Variants in DGKD observed in about 807,000 individuals in gnomAD.
The protein encoded by DGKD is diacylglycerol kinase delta.
DGKD carries 68 observed loss-of-function variants against 154.4 expected under a neutral mutation model. The observed-to-expected ratio is 0.44, with a 90% CI of 0.36 to 0.54. The LOEUF (loss-of-function observed/expected upper bound fraction) is 0.54, where lower values mean the gene tolerates loss of function less well. DGKD is among the 20% of genes least tolerant of loss of function. The pLI is 0.00. For synonymous variants in DGKD, 693 were observed against 638.0 expected, an observed-to-expected ratio of 1.09 and a Z score of -1.30; for missense variants, 1,343 against 1,593.6, an observed-to-expected ratio of 0.84 and a Z score of 2.68.
intron 10 of DGKD, among the ~76,000 whole-genome samples, chr2:233,442,926 C>A (rs760790103): frequency 2.0e-5 from 3 of 151,794 alleles, no homozygotes; most frequent in Non-Finnish European, 4.4e-5. Context: ...TAAAAAACCA[C>A]TAATTAAGAT....
At chr2:233,355,701 G>A (rs886395061) in intron 1 of DGKD, among the ~76,000 whole-genome samples, 1 of 152,204 alleles carries the variant, frequency 6.6e-6, no homozygotes, top group Admixed American at 6.5e-5. Flanking sequence ...AATAGGTACC[G>A]AACACCTGCT....
chr2:233,389,177 G>C (rs759529800), intron 2 of DGKD, among the ~76,000 whole-genome samples: 2 of 152,254 alleles, frequency 1.3e-5, no homozygotes, highest in Non-Finnish European at 2.9e-5. Flanking sequence ...AGTAGAAGGA[G>C]CTGAGCTTCT....
rs77663891 is a variant in DGKD at position 233,371,359 on chromosome 2, A to G, written c.156+16685A>G. ...GTATATATTTTTTGAAGAAATACCT[A>G]TTCAGGTCCATTGCCCATTTTCCAA... is the stretch of plus-strand genomic sequence containing the variant. On this transcript the variant is annotated intron_variant, in intron 1 of 29. Coordinates refer to ENST00000264057, the MANE Select transcript of DGKD (RefSeq NM_152879.3). 3.9e-4 allele frequency among the ~76,000 whole-genome samples: 59 copies of G among 152,312 alleles called. No individual in the cohort carries two copies. In the East Asian group the frequency reaches 0.011, roughly 28 times the overall value.
At chr2:233,398,901 G>C (rs2061489950) in intron 3 of DGKD, among the ~76,000 whole-genome samples, 1 of 152,228 alleles carries the variant, frequency 6.6e-6, no homozygotes, top group Non-Finnish European at 1.5e-5. Context: ...TAGGATTACA[G>C]GTGTGAGCCA....
chr2:233,429,324 A>G (rs1021670953), intron 3 of DGKD: 1 of 984,962 alleles, frequency 1.0e-6, no homozygotes, highest in Non-Finnish European at 1.2e-6. Flanking sequence ...TTCTCTTACT[A>G]TATTTACTAT....
chr2:233,395,815 T>C (rs903004527), intron 3 of DGKD, among the ~76,000 whole-genome samples: 1 of 152,134 alleles, frequency 6.6e-6, no homozygotes. Flanking sequence ...ATTACAGGCA[T>C]GAGCCACCAT....
At chr2:233,455,042 A>G (rs1281375865) in intron 19 of DGKD, among the ~76,000 whole-genome samples, 169 bp downstream of exon 19, 2 of 152,146 alleles carry the variant, frequency 1.3e-5, no homozygotes, top group African/African-American at 2.4e-5. Flanking sequence ...GCTTTCAGAG[A>G]TGGAAGGGAA....
At position 233,457,114 on chromosome 2, in the gene DGKD, C is replaced by A. The variant is rs918157320; in HGVS notation, c.2473-107C>A. On this transcript the variant is annotated intron_variant, in intron 20 of 29. Transcript: ENST00000264057. The surrounding 1 kb of genome is among the most constrained non-coding windows in gnomAD (Gnocchi z 5.5). ...GCACAGGGACTTGCCTGGGGATGCC[C>A]TGGCCACGGCTGTGCTCCTGAGCCC... 1.5e-6 allele frequency: 2 copies of A among 1,300,550 alleles called. No individual in the cohort carries two copies. The highest frequency in any genetic ancestry group is 2.9e-5 in the African/African-American group (2 of 68,540). 80.6% of individuals were successfully genotyped at this position (1,300,550 alleles called of 1,614,324 possible).
Position 233,438,753 on chromosome 2 carries a change from A to G in DGKD, c.1085+374A>G, listed in dbSNP as rs531388409. Among the ~76,000 whole-genome samples the G allele has an allele frequency of 2.5e-5, 2 of 80,820 alleles. No individual in the cohort carries two copies. Among genetic ancestry groups the G allele is most frequent in the Non-Finnish European group, 5.2e-5 (2 of 38,820 alleles). The allele number at this position is 80,820 out of a possible 152,430, so 53.0% of individuals were successfully genotyped here. On this transcript the variant is annotated intron_variant, in intron 9 of 29. Coordinates refer to ENST00000264057, the MANE Select transcript of DGKD (RefSeq NM_152879.3). This position sits in a 1 kb window ranked among gnomAD's most constrained non-coding sequence, Gnocchi z 4.1. ...TAATTTTTTATTTATCTGTCTATCT[A>G]TCATCTATCTATCTATCTATCTATC...
In DGKD at chr2:233,388,357, A is replaced by G; in HGVS notation, c.257A>G (p.Lys86Arg). ...CGAGGGCGAACGCTTTACTATGCCA[A>G]AACGGCAAAGGTGAGGCCCCATGCA... ...KLRGRTLYYA[K>R]TAKSIIFDEV... is the part of the protein sequence containing the mutation. Residue 86 changes from lysine to arginine, a missense_variant, in exon 2 of 30, where the codon AAA becomes AGA. Physicochemically the swap from Lys to Arg is conservative, Grantham distance 26. Transcript: ENST00000264057. 11 of 1,613,236 alleles carry G rather than the reference A, an allele frequency of 6.8e-6. No homozygotes were observed. The highest frequency in any genetic ancestry group is 1.7e-5 in the Admixed American group (1 of 59,818).
At chr2:233,389,180 G>C (rs1189036588) in intron 2 of DGKD, among the ~76,000 whole-genome samples, 2 of 152,266 alleles carry the variant, frequency 1.3e-5, no homozygotes, top group African/African-American at 4.8e-5. Context: ...AGAAGGAGCT[G>C]AGCTTCTTGA....
intron 1 of DGKD, among the ~76,000 whole-genome samples, chr2:233,360,990 T>G (rs1228731595): frequency 5.8e-5 from 4 of 69,088 alleles, no homozygotes; most frequent in African/African-American, 1.4e-4. Context: ...TCAAGTTTTT[T>G]TTTTTTTTTT....
At chr2:233,373,857 A>C (rs1702441227) in intron 1 of DGKD, among the ~76,000 whole-genome samples, 2 of 152,158 alleles carry the variant, frequency 1.3e-5, no homozygotes, top group African/African-American at 4.8e-5. Context: ...TCATAATGAC[A>C]TTAGCATCCC....
chr2:233,367,092 T>C (rs936513441), intron 1 of DGKD, among the ~76,000 whole-genome samples: 1 of 152,234 alleles, frequency 6.6e-6, no homozygotes, highest in African/African-American at 2.4e-5. Flanking sequence ...CATCAAGTTT[T>C]ACGCATCATC....
At chr2:233,362,648 TA>T (rs1701837810) in intron 1 of DGKD, among the ~76,000 whole-genome samples, 1 of 152,154 alleles carries the variant, frequency 6.6e-6, no homozygotes, top group African/African-American at 2.4e-5. Context: ...CGAAACTCTG[TA>T]TTAAATAGAA....
intron 3 of DGKD, among the ~76,000 whole-genome samples, chr2:233,399,078 G>A (rs2061495016): frequency 6.6e-6 from 1 of 152,110 alleles, no homozygotes; most frequent in Non-Finnish European, 1.5e-5. Context: ...AATTTTTATT[G>A]CCTCATTTAG....
In DGKD at chr2:233,459,745, A is replaced by G. The variant is rs1172384873; in HGVS notation, c.2695-12A>G. 6.2e-7 allele frequency: 1 copy of G among 1,612,314 alleles called. No homozygotes were observed. Among genetic ancestry groups the G allele is most frequent in the Non-Finnish European group, 8.5e-7 (1 of 1,179,262 alleles). On this transcript the variant is annotated splice_polypyrimidine_tract_variant and intron_variant, in intron 22 of 29. Transcript: ENST00000264057. The surrounding 1 kb of genome is among the most constrained non-coding windows in gnomAD (Gnocchi z 5.7). The stretch of plus-strand genomic sequence containing the variant: ...TGGCTCAGCATGAGTAATGGCTATG[A>G]TGTCTGCTCAGTGTCGCACGGTGAA...
chr2:233,362,426 G>A (rs1396267749), intron 1 of DGKD, among the ~76,000 whole-genome samples: 4 of 152,164 alleles, frequency 2.6e-5, no homozygotes, highest in South Asian at 2.1e-4. Flanking sequence ...TGAGGTGGGC[G>A]GATCACCTGA....
intron 2 of DGKD, 36 bp from the exon 3 acceptor site, chr2:233,390,367 T>C: frequency 6.4e-7 from 1 of 1,572,686 alleles, no homozygotes; most frequent in South Asian, 1.1e-5. Context: ...GTACCTGTCT[T>C]TATGTGCCTT....
Sources: gnomAD v4.1 joint callset for allele counts (sites outside exome capture counted in the v4.1 genomes callset) on GRCh38, gnomAD v4.1.1 for gene constraint, Gnocchi (gnomAD v3.1) non-coding constraint, MANE v1.5 for transcripts, NCBI Gene and HGNC (gene_info 2026-07-23, HGNC 2026-07-21) for gene names.